Variants in ATP6V1E1 observed in about 807,000 individuals in gnomAD.
ATP6V1E1 encodes ATPase H+ transporting V1 subunit E1.
ATP6V1E1 carries 21 observed loss-of-function variants against 35.2 expected under a neutral mutation model. The ratio of observed to expected loss-of-function variants is 0.60; its 90% CI spans 0.42 to 0.86. The LOEUF (loss-of-function observed/expected upper bound fraction) is 0.86, where lower values mean the gene tolerates loss of function less well. ATP6V1E1 is among the 40% of genes least tolerant of loss of function. ATP6V1E1 has a pLI of 0.00. For synonymous variants in ATP6V1E1, 83 were observed against 87.8 expected, an observed-to-expected ratio of 0.95 and a Z score of 0.30; for missense variants, 183 against 272.6, an observed-to-expected ratio of 0.67 and a Z score of 2.32.
At position 17,594,568 on chromosome 22, in the gene ATP6V1E1, G is replaced by A. The variant is rs76511316; in HGVS notation, c.579C>T (p.Ser193=). 12,448 of 1,596,062 alleles carry A rather than the reference G, an allele frequency of 7.8e-3. 870 individuals are homozygous for A. In the African/African-American group the frequency reaches 0.15, roughly 19 times the overall value. ...GATCCAGCCGGCTTTCCAGGGTGTTGGAAACCTTTATTTTACGATCTCCAT... is the reference window on the plus strand; with the variant it reads ...GATCCAGCCGGCTTTCCAGGGTGTTAGAAACCTTTATTTTACGATCTCCAT... ...IYNGDRKIKV[S]NTLESRLDLI... is the part of the protein sequence containing the mutation. Residue 193 remains serine, a synonymous_variant, in exon 8 of 9, where the codon TCC becomes TCT. Transcript: ENST00000253413.
At chr22:17,600,232 C>A in intron 5 of ATP6V1E1, 137 bp from the exon 6 acceptor site, 1 of 686,306 alleles carries the variant, frequency 1.5e-6, no homozygotes, top group Non-Finnish European at 2.5e-6. Context: ...CTCAGAAGTT[C>A]GAGACCAGCC....
chr22:17,611,626 C>A (rs1040340512), intron 4 of ATP6V1E1, among the ~76,000 whole-genome samples: 1 of 152,136 alleles, frequency 6.6e-6, no homozygotes, highest in African/African-American at 2.4e-5. Context: ...TTTTTCTTAA[C>A]GAAACATTTC....
At chr22:17,624,469 G>A (rs899501415) in intron 1 of ATP6V1E1, among the ~76,000 whole-genome samples, 8 of 152,036 alleles carry the variant, frequency 5.3e-5, no homozygotes, top group African/African-American at 1.2e-4. Context: ...CAGGAGGATC[G>A]CTTGAACCCG....
At chr22:17,611,381 A>G (rs2057814721) in intron 4 of ATP6V1E1, among the ~76,000 whole-genome samples, 1 of 152,224 alleles carries the variant, frequency 6.6e-6, no homozygotes, top group Non-Finnish European at 1.5e-5. Flanking sequence ...ATTTTCCCAC[A>G]TTCCTGGAGT....
At chr22:17,622,147 A>T (rs1410827112) in intron 1 of ATP6V1E1, among the ~76,000 whole-genome samples, 2 of 152,200 alleles carry the variant, frequency 1.3e-5, no homozygotes, top group Non-Finnish European at 2.9e-5. Flanking sequence ...GAAATCCAAA[A>T]AGGAAAAAAA....
At chr22:17,596,024 C>A (rs760414219) in intron 7 of ATP6V1E1, among the ~76,000 whole-genome samples, 9 of 151,412 alleles carry the variant, frequency 5.9e-5, no homozygotes, top group Non-Finnish European at 1.0e-4. Context: ...CCCAGCTAAT[C>A]GGGAGGCTAA....
intron 4 of ATP6V1E1, among the ~76,000 whole-genome samples, chr22:17,610,035 G>C (rs1243214870): frequency 6.6e-6 from 1 of 152,072 alleles, no homozygotes; most frequent in Non-Finnish European, 1.5e-5. Context: ...GGAGGCTGAG[G>C]TGGGAAGGAC....
At chr22:17,623,631 T>C (rs1232180681) in intron 1 of ATP6V1E1, among the ~76,000 whole-genome samples, 1 of 149,634 alleles carries the variant, frequency 6.7e-6, no homozygotes, top group African/African-American at 2.5e-5. Context: ...AGATCACGCC[T>C]GGGTGACAGA....
chr22:17,602,999 C>T (rs927749902), intron 4 of ATP6V1E1, among the ~76,000 whole-genome samples: 1 of 152,262 alleles, frequency 6.6e-6, no homozygotes, highest in South Asian at 2.1e-4. Flanking sequence ...CTCTGTTGCC[C>T]AGGCTGGAGT....
At chr22:17,617,936 A>G (rs1465082054) in intron 2 of ATP6V1E1, among the ~76,000 whole-genome samples, 1 of 152,134 alleles carries the variant, frequency 6.6e-6, no homozygotes, top group African/African-American at 2.4e-5. Context: ...CAGCCTCCCG[A>G]GGAGCTGGGA....
intron 4 of ATP6V1E1, among the ~76,000 whole-genome samples, chr22:17,605,693 CT>C (rs3044548): frequency 2.8e-4 from 29 of 103,996 alleles, no homozygotes; most frequent in African/African-American, 5.5e-4. Flanking sequence ...AGATGTTTCT[CT>C]TTTTTTTTTT....
At chr22:17,599,217 A>G (rs1413451000) in intron 6 of ATP6V1E1, among the ~76,000 whole-genome samples, 1 of 151,990 alleles carries the variant, frequency 6.6e-6, no homozygotes, top group Non-Finnish European at 1.5e-5. Context: ...GCTGCACAAT[A>G]TTGTAAATGT....
Position 17,613,205 on chromosome 22 carries a change from A to G in ATP6V1E1, c.209+6T>C. 6 of 1,606,842 alleles carry G rather than the reference A, an allele frequency of 3.7e-6. No homozygotes were observed. The highest frequency in any genetic ancestry group is 5.1e-6 in the Non-Finnish European group (6 of 1,175,602). On this transcript the variant is annotated splice_donor_region_variant and intron_variant, in intron 3 of 8. Transcript: ENST00000253413. ...TAGCTTAATACTGCAACCAGGATCTACTTACATTTTCTTCTGCTGCTCAAT... is the reference window on the plus strand; with the variant it reads ...TAGCTTAATACTGCAACCAGGATCTGCTTACATTTTCTTCTGCTGCTCAAT...
chr22:17,618,979 G>A (rs977588623), intron 2 of ATP6V1E1: 7 of 453,388 alleles, frequency 1.5e-5, no homozygotes, highest in Middle Eastern at 6.8e-4. Context: ...CAGTCCCAGT[G>A]ACGAAGCGAG....
At chr22:17,593,938 C>T (rs2057717695) in intron 8 of ATP6V1E1, among the ~76,000 whole-genome samples, 1 of 152,190 alleles carries the variant, frequency 6.6e-6, no homozygotes, top group Non-Finnish European at 1.5e-5. Flanking sequence ...CACGGTGGCT[C>T]ACACCTGTAA....
intron 5 of ATP6V1E1, 73 bp downstream of exon 5, chr22:17,601,019 C>A: frequency 1.7e-6 from 2 of 1,200,930 alleles, no homozygotes; most frequent in Non-Finnish European, 2.3e-6. Flanking sequence ...AAAAATAGAG[C>A]TGGTCTCTAA....
At chr22:17,609,110 A>AAAACAAAC (rs776470535) in intron 4 of ATP6V1E1, among the ~76,000 whole-genome samples, 1 of 140,038 alleles carries the variant, frequency 7.1e-6, no homozygotes, top group Non-Finnish European at 1.5e-5. Context: ...AAAACAAAAC[A>AAAACAAAC]AAACAAACAA....
intron 1 of ATP6V1E1, among the ~76,000 whole-genome samples, chr22:17,623,578 G>A (rs1238419824): frequency 2.6e-5 from 4 of 151,908 alleles, no homozygotes; most frequent in Admixed American, 6.6e-5. Flanking sequence ...GGCTGATGGA[G>A]GAGAATCACT....
intron 4 of ATP6V1E1, among the ~76,000 whole-genome samples, chr22:17,608,212 A>G (rs979141634): frequency 4.6e-5 from 7 of 152,186 alleles, no homozygotes; most frequent in Admixed American, 6.5e-5. Context: ...CCTCAAGGGA[A>G]CCCAACTGAG....
Sources: gnomAD v4.1 joint callset for allele counts (sites outside exome capture counted in the v4.1 genomes callset) on GRCh38, gnomAD v4.1.1 for gene constraint, MANE v1.5 for transcripts, NCBI Gene and HGNC (gene_info 2026-07-23, HGNC 2026-07-21) for gene names.